The following C10orf88 variants were observed in gnomAD, a reference collection of about 807,000 sequenced individuals.
C10orf88 encodes chromosome 10 open reading frame 88.
C10orf88 carries 29 observed loss-of-function variants against 34.2 expected under a neutral mutation model. The ratio of observed to expected loss-of-function variants is 0.85; its 90% CI spans 0.63 to 1.16. The LOEUF (loss-of-function observed/expected upper bound fraction) is 1.16. Among genes scored for constraint, C10orf88 ranks in the 50% most tolerant of loss-of-function variants. The pLI is 0.00. For missense variants in C10orf88, 507 were observed against 533.2 expected (o/e 0.95, Z 0.48); for synonymous variants, 194 against 197.4 (o/e 0.98, Z 0.15).
In C10orf88 at chr10:122,931,738, T is replaced by C. The variant is rs1473899101; in HGVS notation, c.*689A>G. The C allele has an allele frequency of 6.6e-6, 1 of 152,184 alleles. No individual in the cohort carries two copies. The highest frequency in any genetic ancestry group is 1.5e-5 in the Non-Finnish European group (1 of 68,036). 9.4% of individuals were successfully genotyped at this position (152,184 alleles called of 1,614,324 possible). On this transcript the variant is annotated 3_prime_UTR_variant, in exon 6 of 6. Coordinates refer to ENST00000481909, the MANE Select transcript of C10orf88 (RefSeq NM_024942.4). ...CAAAAGGAGAGGTTTTCTTAAACTG[T>C]CTGGGGTTACTGAGGTCAAACAAGA...
Position 122,952,016 on chromosome 10 carries a change from T to C in C10orf88, c.379A>G (p.Lys127Glu). The C allele has an allele frequency of 1.4e-6, 2 of 1,470,528 alleles. No individual in the cohort carries two copies. The highest frequency in any genetic ancestry group is 1.4e-5 in the African/African-American group (1 of 71,214). 91.1% of individuals were successfully genotyped at this position (1,470,528 alleles called of 1,614,324 possible). A position where few individuals can be genotyped will look rare whatever the true frequency, so the allele number is the denominator to read the frequency against. ...AGATTTTTTTTATACAAAATGATCT[T>C]TTCATGTTCACTAAAAATAAAAAAG... The part of the protein sequence containing the change: ...CTVLDDSEHE[K>E]IILYKKNLKL... The change falls in exon 3 of 6, where the codon AAG becomes GAG. Residue 127 changes from lysine to glutamate, a missense_variant. Coordinates refer to ENST00000481909, the MANE Select transcript of C10orf88 (RefSeq NM_024942.4).
At chr10:122,941,522 C>T (rs1387520642) in intron 4 of C10orf88, among the ~76,000 whole-genome samples, 2 of 152,096 alleles carry the variant, frequency 1.3e-5, no homozygotes, top group Non-Finnish European at 1.5e-5. Flanking sequence ...TGTGATCACA[C>T]CACTTACACG....
rs1436500831 is a variant in C10orf88 at position 122,937,984 on chromosome 10, T to G, written c.824A>C (p.Tyr275Ser). 1.2e-6 allele frequency: 2 copies of G among 1,613,246 alleles called. No homozygotes were observed. The highest frequency in any genetic ancestry group is 3.3e-5 in the Admixed American group (2 of 59,890). ...AGGCAGTTGTGTACTTTTATCAATG[T>G]AAGTTTGTAAGTTTTCAGTCACGTT... ...SGNVTENLQT[Y>S]IDKSTQLPGG... is the part of the protein sequence containing the mutation. The change falls in exon 5 of 6, where the codon TAC becomes TCC. Residue 275 changes from tyrosine (Y) to serine (S), a missense_variant. By Grantham distance (144) the Tyr-to-Ser change is moderately radical (BLOSUM62 -2). Coordinates refer to ENST00000481909, the MANE Select transcript of C10orf88 (RefSeq NM_024942.4).
At chr10:122,950,622 T>C (rs1848681471) in intron 3 of C10orf88, among the ~76,000 whole-genome samples, 1 of 152,236 alleles carries the variant, frequency 6.6e-6, no homozygotes, top group Non-Finnish European at 1.5e-5. Context: ...CATAGCCTTT[T>C]TCACCATTAA....
chr10:122,946,301 C>T (rs1163962276), intron 4 of C10orf88, among the ~76,000 whole-genome samples: 1 of 152,064 alleles, frequency 6.6e-6, no homozygotes, highest in African/African-American at 2.4e-5. Flanking sequence ...ATGGTAAGTG[C>T]CCTATACAGG....
rs760824421 is a variant in C10orf88 at position 122,948,871 on chromosome 10, A to G, written c.442-16T>C. On this transcript the variant is annotated splice_polypyrimidine_tract_variant and intron_variant, in intron 3 of 5. Coordinates refer to ENST00000481909, the MANE Select transcript of C10orf88 (RefSeq NM_024942.4). ...AGGAGAGCAACTATTATAAAACAAA[A>G]GTTCCAGAAAAGAATGATATTAAAA... The G allele has an allele frequency of 7.5e-6, 12 of 1,599,526 alleles. No homozygotes were observed. Among genetic ancestry groups the G allele is most frequent in the Non-Finnish European group, 1.0e-5 (12 of 1,174,190 alleles).
At chr10:122,938,199 C>A in intron 4 of C10orf88, 40 bp from the exon 5 acceptor site, 2 of 1,467,808 alleles carry the variant, frequency 1.4e-6, no homozygotes, top group Non-Finnish European at 1.8e-6. Flanking sequence ...ATTAATAACA[C>A]TGACAGCTAA....
intron 4 of C10orf88, among the ~76,000 whole-genome samples, chr10:122,945,259 A>G (rs1196042881): frequency 3.3e-5 from 5 of 152,132 alleles, no homozygotes; most frequent in Admixed American, 6.5e-5. Flanking sequence ...GTTGGTGTAA[A>G]CCAACCGATT....
Position 122,937,479 on chromosome 10 carries a change from T to C in C10orf88, c.1103+226A>G, listed in dbSNP as rs78160562. ...TAATACTTGTGACCCTTCCACAAAATGCCTGGGAAGTGTGCAAAACCTCCA... is the reference window on the plus strand; with the variant it reads ...TAATACTTGTGACCCTTCCACAAAACGCCTGGGAAGTGTGCAAAACCTCCA... On this transcript the variant is annotated intron_variant, in intron 5 of 5. Coordinates refer to ENST00000481909, the MANE Select transcript of C10orf88 (RefSeq NM_024942.4). Among the ~76,000 whole-genome samples, 477 of 152,162 alleles carry C rather than the reference T, an allele frequency of 3.1e-3. 2 individuals are homozygous for C. The highest frequency in any genetic ancestry group is 0.01 in the African/African-American group (429 of 41,564).
In C10orf88 at chr10:122,938,094, A is replaced by T. The variant is rs766405755; in HGVS notation, c.714T>A (p.Ile238=). 1.1e-5 allele frequency: 18 copies of T among 1,612,944 alleles called. No homozygotes were observed. The highest frequency in any genetic ancestry group is 1.5e-5 in the Non-Finnish European group (18 of 1,179,232). ...VLGNSGYKHM[I]GLQSSSTLGT... is the part of the protein sequence containing the mutation. ...CTAAGGTAGATGAGGATTGTAGTCC[A>T]ATCATATGCTTGTATCCAGAATTGC... Residue 238 remains isoleucine (I), a synonymous_variant, in exon 5 of 6, where the codon ATT becomes ATA. Transcript: ENST00000481909.
chr10:122,953,530 T>C (rs1848713938), intron 1 of C10orf88, among the ~76,000 whole-genome samples: 1 of 152,224 alleles, frequency 6.6e-6, no homozygotes, highest in African/African-American at 2.4e-5. Flanking sequence ...ATCAACATTC[T>C]ACTCAATCCC....
chr10:122,944,140 G>C (rs1044774686), intron 4 of C10orf88, among the ~76,000 whole-genome samples: 4 of 151,738 alleles, frequency 2.6e-5, no homozygotes, highest in African/African-American at 9.7e-5. Context: ...GTCCAACAAT[G>C]ATAGACTGGA....
Position 122,938,130 on chromosome 10 carries a change from C to G in C10orf88, c.678G>C (p.Gln226His). The change falls in exon 5 of 6, where the codon CAG becomes CAC. Residue 226 changes from glutamine (Q) to histidine (H), a missense_variant. Coordinates refer to ENST00000481909, the MANE Select transcript of C10orf88 (RefSeq NM_024942.4). The stretch of plus-strand genomic sequence containing the variant: ...TGTATCCAGAATTGCCCAACACCGA[C>G]TGAAGCTGCTCTCCAATGGGAATAC... ...RNCIPIGEQL[Q>H]SVLGNSGYKH... The G allele has an allele frequency of 6.2e-7, 1 of 1,605,928 alleles. No homozygotes were observed. Among genetic ancestry groups the G allele is most frequent in the Non-Finnish European group, 8.5e-7 (1 of 1,175,216 alleles).
At chr10:122,947,017 G>A (rs1469252428) in intron 4 of C10orf88, among the ~76,000 whole-genome samples, 1 of 152,086 alleles carries the variant, frequency 6.6e-6, no homozygotes, top group Non-Finnish European at 1.5e-5. Flanking sequence ...TACAAAGGGA[G>A]GCAAGCAGTC....
chr10:122,937,465 A>G (rs1447467880), intron 5 of C10orf88, among the ~76,000 whole-genome samples: 2 of 151,936 alleles, frequency 1.3e-5, no homozygotes, highest in African/African-American at 4.8e-5. Context: ...AATACTTGTG[A>G]CCCTTCCACA....
chr10:122,932,294 A>T lies in C10orf88; in HGVS notation c.*133T>A. 1.4e-6 allele frequency: 1 copy of T among 717,704 alleles called. No individual in the cohort carries two copies. The highest frequency in any genetic ancestry group is 2.2e-6 in the Non-Finnish European group (1 of 450,896). The allele number at this position is 717,704 out of a possible 1,614,324, so 44.5% of individuals were successfully genotyped here. Reference sequence around the variant, plus strand: ...AATAACAAGTGTAGTAAAAACGAAAACTGAGGTCACTTTGTGTAAGACAAT... The same window carrying T: ...AATAACAAGTGTAGTAAAAACGAAATCTGAGGTCACTTTGTGTAAGACAAT... On this transcript the variant is annotated 3_prime_UTR_variant, in exon 6 of 6. Transcript: ENST00000481909.
intron 4 of C10orf88, among the ~76,000 whole-genome samples, chr10:122,938,818 T>G (rs1427262858): frequency 6.6e-6 from 1 of 152,062 alleles, no homozygotes; most frequent in Non-Finnish European, 1.5e-5. Flanking sequence ...TATGCAGTAT[T>G]ATTTCCTGAG....
At chr10:122,939,135 T>C (rs1848561406) in intron 4 of C10orf88, among the ~76,000 whole-genome samples, 1 of 152,006 alleles carries the variant, frequency 6.6e-6, no homozygotes, top group South Asian at 2.1e-4. Context: ...CATTAATTTA[T>C]TCAACAAATA....
intron 1 of C10orf88, 107 bp from the exon 2 acceptor site, chr10:122,953,139 T>G (rs1207389133): frequency 3.4e-6 from 3 of 877,246 alleles, no homozygotes; most frequent in Non-Finnish European, 5.4e-6. Flanking sequence ...ATGCAGTGGC[T>G]CCATCTCGGC....
Sources: gnomAD v4.1 joint callset for allele counts (sites outside exome capture counted in the v4.1 genomes callset) on GRCh38, gnomAD v4.1.1 for gene constraint, MANE v1.5 for transcripts, NCBI Gene and HGNC (gene_info 2026-07-23, HGNC 2026-07-21) for gene names.